ADAM23: variants seen among roughly 807,000 people sequenced by gnomAD.
ADAM23 encodes the protein disintegrin and metalloproteinase domain-containing protein 23.
ADAM23 carries 33 observed loss-of-function variants against 120.1 expected under a neutral mutation model. The ratio of observed to expected loss-of-function variants is 0.27; its 90% CI spans 0.21 to 0.37. The LOEUF (loss-of-function observed/expected upper bound fraction) is 0.37, where lower values mean the gene tolerates loss of function less well. ADAM23 is among the 10% of genes least tolerant of loss of function. The pLI, the probability that ADAM23 is intolerant of heterozygous loss-of-function variation, is 1.00. For synonymous variants in ADAM23, 367 were observed against 375.2 expected (o/e 0.98, Z 0.25); for missense variants, 862 against 1,058.2 (o/e 0.81, Z 2.57).
chr2:206,539,553 A>G (rs1042017428), intron 4 of ADAM23, among the ~76,000 whole-genome samples: 1 of 152,140 alleles, frequency 6.6e-6, no homozygotes, highest in Non-Finnish European at 1.5e-5. Context: ...CTGTCCCCAT[A>G]TGGGTACATG....
intron 3 of ADAM23, among the ~76,000 whole-genome samples, chr2:206,497,352 G>A (rs985857051): frequency 2.0e-5 from 3 of 152,060 alleles, no homozygotes; most frequent in African/African-American, 4.8e-5. Flanking sequence ...TTCAACATAC[G>A]AAAATCAATA....
intron 3 of ADAM23, among the ~76,000 whole-genome samples, chr2:206,512,190 T>C (rs539646777): frequency 1.3e-5 from 2 of 152,204 alleles, no homozygotes; most frequent in East Asian, 3.8e-4. Context: ...TTCATGAGAT[T>C]ATGGGTTTAA....
chr2:206,594,339 T>C (rs1698480390), intron 22 of ADAM23, among the ~76,000 whole-genome samples: 1 of 152,210 alleles, frequency 6.6e-6, no homozygotes, highest in South Asian at 2.1e-4. Context: ...TTTCATTTGC[T>C]GTTTTTGTTC....
intron 2 of ADAM23, among the ~76,000 whole-genome samples, chr2:206,477,897 A>AAATATATATATATATATATATATAT (rs374524658): frequency 1.1e-4 from 10 of 93,598 alleles, no homozygotes; most frequent in Non-Finnish European, 1.4e-4. Flanking sequence ...AAAAAAAAAA[A>AAATATATATATATATATATATATAT]ATATATATAT....
intron 9 of ADAM23, among the ~76,000 whole-genome samples, chr2:206,552,927 G>A (rs953835999): frequency 1.3e-4 from 20 of 151,774 alleles, no homozygotes; most frequent in Admixed American, 1.1e-3. Flanking sequence ...TTCAACCTCC[G>A]AAAGTGCTGG....
intron 24 of ADAM23, among the ~76,000 whole-genome samples, chr2:206,603,577 A>G (rs555410155): frequency 6.6e-6 from 1 of 152,316 alleles, no homozygotes; most frequent in South Asian, 2.1e-4. Context: ...TTTAGCGTTA[A>G]GAGTACTTAC....
intron 3 of ADAM23, among the ~76,000 whole-genome samples, chr2:206,496,453 C>A (rs372515283): frequency 1.3e-5 from 2 of 151,968 alleles, no homozygotes; most frequent in African/African-American, 4.8e-5. Flanking sequence ...TTGAAACCAA[C>A]GAGAACAAAG....
chr2:206,608,661 G>A (rs1440646310), intron 24 of ADAM23, among the ~76,000 whole-genome samples: 1 of 151,968 alleles, frequency 6.6e-6, no homozygotes, highest in Non-Finnish European at 1.5e-5. Flanking sequence ...CACAAGCCCA[G>A]GAGCCTAAAG....
chr2:206,508,490 T>C (rs996443782), intron 3 of ADAM23, among the ~76,000 whole-genome samples: 4 of 150,944 alleles, frequency 2.6e-5, no homozygotes, highest in Non-Finnish European at 4.4e-5. Flanking sequence ...ACCCCATCTC[T>C]ACTAACAATA....
At chr2:206,491,771 G>A (rs912108722) in intron 3 of ADAM23, among the ~76,000 whole-genome samples, 34 of 152,158 alleles carry the variant, frequency 2.2e-4, no homozygotes, top group African/African-American at 7.0e-4. Flanking sequence ...TCTCTCTAGA[G>A]ATATAAATGT....
At chr2:206,599,623 G>A (rs893769740) in intron 24 of ADAM23, among the ~76,000 whole-genome samples, 3 of 152,128 alleles carry the variant, frequency 2.0e-5, no homozygotes, top group Non-Finnish European at 1.5e-5. Flanking sequence ...GAAATTATGT[G>A]CTTTTCGTTT....
chr2:206,445,295 T>A lies in ADAM23; in HGVS notation c.215-12T>A. ...TGTATTTTCTGCTCCCCCACCCCCC[T>A]ACCTCCACCAGCTCCGCATTGGAAT... is the stretch of plus-strand genomic sequence containing the variant. On this transcript the variant is annotated splice_polypyrimidine_tract_variant and intron_variant, in intron 1 of 25. Transcript: ENST00000264377. 1 of 1,603,770 alleles carries A rather than the reference T, an allele frequency of 6.2e-7. No homozygotes were observed. The highest frequency in any genetic ancestry group is 8.5e-7 in the Non-Finnish European group (1 of 1,171,036).
intron 3 of ADAM23, among the ~76,000 whole-genome samples, chr2:206,527,242 C>T (rs1696963325): frequency 6.6e-6 from 1 of 152,136 alleles, no homozygotes; most frequent in South Asian, 2.1e-4. Context: ...TCCGCAATTG[C>T]TAAATAGATG....
chr2:206,532,893 T>C (rs1233627282), intron 4 of ADAM23, among the ~76,000 whole-genome samples: 1 of 152,118 alleles, frequency 6.6e-6, no homozygotes, highest in Non-Finnish European at 1.5e-5. Context: ...TTATAATTGC[T>C]TCAGAATTAA....
intron 2 of ADAM23, among the ~76,000 whole-genome samples, chr2:206,455,128 T>C (rs1695271385): frequency 6.6e-6 from 1 of 152,268 alleles, no homozygotes; most frequent in Admixed American, 6.5e-5. Context: ...AGCAGATTTC[T>C]GCCTGGATAG....
chr2:206,499,448 A>T (rs1409333802), intron 3 of ADAM23, among the ~76,000 whole-genome samples: 1 of 144,204 alleles, frequency 6.9e-6, no homozygotes, highest in Non-Finnish European at 1.5e-5. Flanking sequence ...AACAATGAGA[A>T]CACATGGACA....
rs377701138 is a variant in ADAM23, at chr2:206,561,130, G to A, written c.1172G>A (p.Arg391Gln). The A allele has an allele frequency of 1.2e-5, 19 of 1,613,732 alleles. No homozygotes were observed. The highest frequency in any genetic ancestry group is 1.4e-5 in the Non-Finnish European group (16 of 1,179,848). ...TGATAGCACTGCTTTTTCTTAAGGC[G>A]GGTGACATTTCACTATAAGAGAAGC... ...QHADAVHLIS[R>Q]VTFHYKRSSL... Residue 391 changes from arginine to glutamine, a missense_variant and splice_region_variant, in exon 12 of 26, where the codon CGG becomes CAG. Physicochemically the swap from Arg to Gln is conservative, Grantham distance 43. This residue lies in a region of ADAM23 where 617 missense variants were observed against 813.5 expected (regional missense o/e 0.76). Coordinates refer to ENST00000264377, the MANE Select transcript of ADAM23 (RefSeq NM_003812.4).
intron 15 of ADAM23, among the ~76,000 whole-genome samples, chr2:206,567,761 A>G (rs1697918176): frequency 6.6e-6 from 1 of 152,190 alleles, no homozygotes; most frequent in Non-Finnish European, 1.5e-5. Context: ...TGCTATAAAG[A>G]TACTACCTCA....
chr2:206,445,132 T>C (rs1034614079), intron 1 of ADAM23, among the ~76,000 whole-genome samples, 175 bp from the exon 2 acceptor site: 22 of 152,240 alleles, frequency 1.4e-4, no homozygotes, highest in African/African-American at 4.8e-4. Flanking sequence ...GCCATTTTAT[T>C]GTTGAAATAA....
Sources: allele counts gnomAD v4.1 joint callset (sites outside exome capture counted in the v4.1 genomes callset), GRCh38; gene constraint gnomAD v4.1.1; regional missense constraint gnomAD v4.1.1; transcripts MANE v1.5; gene names NCBI Gene and HGNC (gene_info 2026-07-23, HGNC 2026-07-21).